Variants in TNRC18 observed in about 807,000 individuals in gnomAD.
TNRC18 encodes trinucleotide repeat containing 18, also known as trinucleotide repeat-containing gene 18 protein.
In TNRC18, 69 loss-of-function variants were observed where a neutral mutation model predicts 226.7. The observed-to-expected ratio is 0.30, with a 90% confidence interval of 0.25 to 0.37. TNRC18 has a LOEUF of 0.37. Ranked by LOEUF, TNRC18 falls within the 10% of genes least tolerant of loss-of-function variation. The probability of loss-of-function intolerance (pLI) is 1.00; values close to 1 mark genes in which losing one functional copy is unlikely to be tolerated. For synonymous variants in TNRC18, 2,449 were observed against 1,927.6 expected, an observed-to-expected ratio of 1.27 and a Z score of -7.09; for missense variants, 4,754 against 4,256.6, an observed-to-expected ratio of 1.12 and a Z score of -3.25.
At chr7:5,352,922 G>C (rs1562532989) in intron 16 of TNRC18, among the ~76,000 whole-genome samples, 6 of 152,224 alleles carry the variant, frequency 3.9e-5, no homozygotes, top group Admixed American at 3.9e-4. Flanking sequence ...CAGACGGGGG[G>C]AACGTGAACC....
In TNRC18 at chr7:5,409,759, G is replaced by A. The variant is rs547064774; in HGVS notation, c.187+11301C>T. Among the ~76,000 whole-genome samples, 8 of 148,116 alleles carry A rather than the reference G, an allele frequency of 5.4e-5. No homozygotes were observed. The Admixed American group carries it at 5.4e-4, about 10-fold the overall frequency. On this transcript the variant is annotated intron_variant, in intron 2 of 29. Coordinates refer to ENST00000430969, the MANE Select transcript of TNRC18 (RefSeq NM_001080495.3). ...TGGGAGGCCGAGGCGGGTGGATCAC[G>A]AGGTCAGGAGATCGAGACCATCGTG...
At chr7:5,317,394 A>T (rs765956812) in intron 24 of TNRC18, among the ~76,000 whole-genome samples, 1 of 152,144 alleles carries the variant, frequency 6.6e-6, no homozygotes, top group Non-Finnish European at 1.5e-5. Flanking sequence ...GTTCGAGGCC[A>T]GTCAGGCCAA....
At chr7:5,396,338 A>T (rs1780688918) in intron 2 of TNRC18, among the ~76,000 whole-genome samples, 1 of 151,892 alleles carries the variant, frequency 6.6e-6, no homozygotes, top group Non-Finnish European at 1.5e-5. Flanking sequence ...ACAGAGTGAG[A>T]CTCCGTCTCA....
At chr7:5,383,027 G>A (rs956950040) in intron 5 of TNRC18, among the ~76,000 whole-genome samples, 4 of 152,164 alleles carry the variant, frequency 2.6e-5, no homozygotes, top group African/African-American at 9.7e-5. Flanking sequence ...CCCAGTAGCT[G>A]GGACTATAGA....
At chr7:5,415,502 C>T (rs930608625) in intron 2 of TNRC18, among the ~76,000 whole-genome samples, 1 of 150,964 alleles carries the variant, frequency 6.6e-6, no homozygotes, top group South Asian at 2.1e-4. Flanking sequence ...TCAGCCTCCC[C>T]GAGTAGCTGG....
At chr7:5,375,203 G>C (rs1167435105) in intron 9 of TNRC18, among the ~76,000 whole-genome samples, 1 of 152,168 alleles carries the variant, frequency 6.6e-6, no homozygotes, top group East Asian at 1.9e-4. Context: ...CAGCTACTCG[G>C]GAGGCTGAGG....
chr7:5,419,357 G>A (rs1292992355), intron 2 of TNRC18, among the ~76,000 whole-genome samples: 5 of 152,168 alleles, frequency 3.3e-5, no homozygotes, highest in Non-Finnish European at 7.4e-5. Context: ...AAAAAGCCAA[G>A]CGCAGGCCCA....
chr7:5,392,529 G>C (rs771301616), intron 3 of TNRC18, among the ~76,000 whole-genome samples: 9 of 152,304 alleles, frequency 5.9e-5, no homozygotes, highest in Non-Finnish European at 1.0e-4. Context: ...CAGGAGAATT[G>C]CTTGAACCCG....
Position 5,388,079 on chromosome 7 carries a change from G to A in TNRC18, c.1745C>T (p.Ala582Val), listed in dbSNP as rs1292443495. ...CTTTATAAGGCTCTGCATGGCCGAG[G>A]CCTCTCCAGACCCGTGGGCCGCAGA... ...MHSAAHGSGE[A>V]SAMQSLIKYS... The change falls in exon 5 of 30, where the codon GCC becomes GTC. Residue 582 changes from alanine to valine, a missense_variant. Transcript: ENST00000430969. 1.3e-6 allele frequency: 2 copies of A among 1,554,804 alleles called. No individual in the cohort carries two copies. The highest frequency in any genetic ancestry group is 1.2e-5 in the South Asian group (1 of 84,640).
chr7:5,389,461 G>GGTTTTTTTTTTTTTT lies in TNRC18; in HGVS notation c.488-126_488-125insAAAAAAAAAAAAAAC, dbSNP rs1554297479. ...TGCCTCCCCCAGTGTTTTGGTTTTG[G>GGTTTTTTTTTTTTTT]TTTTTTTTTTCAGAAAGAGTCTCGC... On this transcript the variant is annotated intron_variant, in intron 4 of 29. Transcript: ENST00000430969. 12 of 565,554 alleles carry GGTTTTTTTTTTTTTT rather than the reference G, an allele frequency of 2.1e-5. No individual in the cohort carries two copies. The African/African-American group carries it at 2.5e-4, about 12-fold the overall frequency. 35.0% of individuals were successfully genotyped at this position (565,554 alleles called of 1,614,324 possible). A position where few individuals can be genotyped will look rare whatever the true frequency, so the allele number is the denominator to read the frequency against.
At chr7:5,320,243 T>G in intron 24 of TNRC18, 75 bp downstream of exon 24, 1 of 1,161,478 alleles carries the variant, frequency 8.6e-7, no homozygotes, top group Non-Finnish European at 1.3e-6. Context: ...CCAGTTAGAG[T>G]TGGGTTTTAG....
Position 5,371,269 on chromosome 7 carries a change from C to G in TNRC18, c.3325G>C (p.Gly1109Arg), listed in dbSNP as rs762788090. Residue 1109 changes from glycine to arginine, a missense_variant, in exon 11 of 30, where the codon GGC (glycine) becomes CGC (arginine). By Grantham distance (125) the Gly-to-Arg change is moderately radical (BLOSUM62 -2). Transcript: ENST00000430969. ...LQPTAAADAD[G>R]LAPDVPLPAD... ...GGGAGCGGCACATCAGGGGCCAAGCCGTCCGCGTCGGCGGCGGCCGTGGGC... is the reference window on the plus strand; with the variant it reads ...GGGAGCGGCACATCAGGGGCCAAGCGGTCCGCGTCGGCGGCGGCCGTGGGC... The G allele has an allele frequency of 1.3e-6, 2 of 1,592,354 alleles. No homozygotes were observed.
intron 16 of TNRC18, among the ~76,000 whole-genome samples, chr7:5,355,459 C>A (rs550591002): frequency 6.6e-6 from 1 of 152,120 alleles, no homozygotes; most frequent in Non-Finnish European, 1.5e-5. Flanking sequence ...AACACTCAGC[C>A]TCTATAAAAA....
At chr7:5,420,591 G>C in intron 2 of TNRC18, 1 of 454,860 alleles carries the variant, frequency 2.2e-6, no homozygotes, top group Non-Finnish European at 4.4e-6. Context: ...AACTGCCAGG[G>C]ACCCGGCTCG....
At position 5,340,425 on chromosome 7, in the gene TNRC18, G is replaced by A. The variant is rs371120763; in HGVS notation, c.5719+5137C>T. 1.5e-3 allele frequency among the ~76,000 whole-genome samples: 230 copies of A among 152,290 alleles called. 6 individuals are homozygous for A. In the South Asian group the frequency reaches 0.044, roughly 29 times the overall value. ...GAAAAGTTTGAAGCCAGCAGAGATT[G>A]TCTCATGAGGTGTAAGGAAAGAAGC... On this transcript the variant is annotated intron_variant, in intron 18 of 29. Transcript: ENST00000430969.
At chr7:5,391,029 C>A (rs1231504916) in intron 3 of TNRC18, among the ~76,000 whole-genome samples, 1 of 152,220 alleles carries the variant, frequency 6.6e-6, no homozygotes. Flanking sequence ...TTGCCCAAGA[C>A]GATACAGCAG....
Position 5,377,834 on chromosome 7 carries a change from C to G in TNRC18, c.2255+88G>C. ...ACCATAGCATCCATGGTCGAGGGGCCAAGCCCACCTGGGGTCATCCAGCTG... is the reference window on the plus strand; with the variant it reads ...ACCATAGCATCCATGGTCGAGGGGCGAAGCCCACCTGGGGTCATCCAGCTG... On this transcript the variant is annotated intron_variant, in intron 6 of 29. Transcript: ENST00000430969. The surrounding 1 kb of genome is among the most constrained non-coding windows in gnomAD (Gnocchi z 5.8). 2.2e-6 allele frequency: 3 copies of G among 1,358,068 alleles called. No individual in the cohort carries two copies. The South Asian group carries it at 3.7e-5, about 17-fold the overall frequency. The allele number at this position is 1,358,068 out of a possible 1,614,324, so 84.1% of individuals were successfully genotyped here.
chr7:5,313,734 G>A lies in TNRC18; in HGVS notation c.7157C>T (p.Ala2386Val). Residue 2386 changes from alanine to valine, a missense_variant, in exon 27 of 30, where the codon GCC becomes GTC. Transcript: ENST00000430969. ...PPEPVDKRAK[A>V]PKARPAPPQP... Reference sequence around the variant, plus strand: ...CGGCGGTGCCGGGCGCGCCTTGGGGGCCTTGGCTCGCTTGTCCACAGGCTC... The same window carrying A: ...CGGCGGTGCCGGGCGCGCCTTGGGGACCTTGGCTCGCTTGTCCACAGGCTC... 1.3e-6 allele frequency: 2 copies of A among 1,573,672 alleles called. No homozygotes were observed. Among genetic ancestry groups the A allele is most frequent in the African/African-American group, 1.4e-5 (1 of 74,050 alleles).
rs1340075546 is a variant in TNRC18, at chr7:5,307,548, C to T, written c.*558G>A. 2.2e-6 allele frequency: 1 copy of T among 450,306 alleles called. No homozygotes were observed. The highest frequency in any genetic ancestry group is 7.1e-5 in the East Asian group (1 of 14,104). 27.9% of individuals were successfully genotyped at this position (450,306 alleles called of 1,614,324 possible). On this transcript the variant is annotated 3_prime_UTR_variant, in exon 30 of 30. Transcript: ENST00000430969. The stretch of plus-strand genomic sequence containing the variant: ...GCTGCAACCCCACCCGGCTCTGTTC[C>T]CCAAGTCTAGGCCATCCTGAGAGGG...
Sources: gnomAD v4.1 joint callset for allele counts (sites outside exome capture counted in the v4.1 genomes callset) on GRCh38, gnomAD v4.1.1 for gene constraint, Gnocchi (gnomAD v3.1) non-coding constraint, MANE v1.5 for transcripts, NCBI Gene and HGNC (gene_info 2026-07-23, HGNC 2026-07-21) for gene names.